GALNT13: variants seen among roughly 807,000 people sequenced by gnomAD.
The protein encoded by GALNT13 is UDP-GalNAc:polypeptide N-acetylgalactosaminyltransferase 13.
GALNT13 carries 28 observed loss-of-function variants against 64.2 expected under a neutral mutation model. That is an observed-to-expected ratio of 0.44 (90% confidence interval 0.32 to 0.60). The LOEUF is 0.60. GALNT13 is among the 20% of genes least tolerant of loss of function. The pLI, the probability that GALNT13 is intolerant of heterozygous loss-of-function variation, is 0.05. For missense variants in GALNT13, 577 were observed against 669.8 expected (o/e 0.86, Z 1.53); for synonymous variants, 214 against 224.6 (o/e 0.95, Z 0.42).
chr2:153,770,464 A>G, the GALNT13 span, among the ~76,000 whole-genome samples: 2 of 152,264 alleles, frequency 1.3e-5, no homozygotes, highest in African/African-American at 2.4e-5. Flanking sequence ...CTGAAGCGAT[A>G]TTGGTATCAG....
At chr2:153,331,024 A>C in the GALNT13 span, among the ~76,000 whole-genome samples, 3,776 of 152,236 alleles carry the variant, frequency 0.025, 79 homozygotes, top group Non-Finnish European at 0.039. Flanking sequence ...TTCCATGTTT[A>C]TGGAGATGAT....
the GALNT13 span, among the ~76,000 whole-genome samples, chr2:153,397,375 G>C: frequency 6.6e-6 from 1 of 152,042 alleles, no homozygotes; most frequent in Admixed American, 6.6e-5. Flanking sequence ...CCTTAATGCA[G>C]ACCATGGGAA....
the GALNT13 span, among the ~76,000 whole-genome samples, chr2:153,754,635 T>C: frequency 6.6e-6 from 1 of 152,118 alleles, no homozygotes; most frequent in African/African-American, 2.4e-5. Context: ...CTGTGAGCTG[T>C]GCAGCCTGGG....
intron 3 of GALNT13, among the ~76,000 whole-genome samples, chr2:154,033,614 T>G (rs1698477733): frequency 6.6e-6 from 1 of 152,144 alleles, no homozygotes; most frequent in South Asian, 2.1e-4. Flanking sequence ...CAAAATGAGA[T>G]ACCACTACAC....
At chr2:153,112,831 A>G in the GALNT13 span, among the ~76,000 whole-genome samples, 1 of 152,070 alleles carries the variant, frequency 6.6e-6, no homozygotes, top group African/African-American at 2.4e-5. Context: ...CTTCTTTGTT[A>G]TATGTTTGTG....
chr2:153,495,643 C>A, the GALNT13 span, among the ~76,000 whole-genome samples: 2 of 152,254 alleles, frequency 1.3e-5, no homozygotes, highest in African/African-American at 2.4e-5. Flanking sequence ...TGAAAAAATT[C>A]ATACAGAAAA....
At chr2:153,848,362 A>C in the GALNT13 span, among the ~76,000 whole-genome samples, 68 of 152,312 alleles carry the variant, frequency 4.5e-4, 1 homozygote, top group South Asian at 0.014. Flanking sequence ...AATTTACACA[A>C]GCCTTCAAAG....
chr2:153,479,326 CAGAA>C, the GALNT13 span, among the ~76,000 whole-genome samples: 4,823 of 150,664 alleles, frequency 0.032, 77 homozygotes, highest in Middle Eastern at 0.058. Context: ...TTTGGAAAGA[CAGAA>C]AGGCATGGAA....
chr2:154,211,553 G>T (rs1358898643), intron 4 of GALNT13, among the ~76,000 whole-genome samples: 1 of 146,550 alleles, frequency 6.8e-6, no homozygotes, highest in African/African-American at 2.5e-5. Flanking sequence ...GATTGAACCC[G>T]GGAGGCAGAT....
chr2:153,535,427 A>C, the GALNT13 span, among the ~76,000 whole-genome samples: 1 of 151,022 alleles, frequency 6.6e-6, no homozygotes, highest in Non-Finnish European at 1.5e-5. Flanking sequence ...TTGGAAAAAC[A>C]GTGTAAACCG....
chr2:154,145,695 G>C (rs562164473), intron 4 of GALNT13, among the ~76,000 whole-genome samples: 9 of 152,080 alleles, frequency 5.9e-5, no homozygotes, highest in African/African-American at 2.2e-4. Flanking sequence ...TACATTATTA[G>C]TGGAAGAGGA....
chr2:154,066,777 A>G (rs1700488090), intron 3 of GALNT13, among the ~76,000 whole-genome samples: 1 of 152,158 alleles, frequency 6.6e-6, no homozygotes, highest in Non-Finnish European at 1.5e-5. Flanking sequence ...TGATCAAGAA[A>G]AAAATCATCT....
intron 4 of GALNT13, among the ~76,000 whole-genome samples, chr2:154,150,387 C>A (rs755539332): frequency 3.9e-5 from 6 of 152,212 alleles, no homozygotes; most frequent in South Asian, 2.1e-4. Context: ...GTCTAAAATT[C>A]TCTTTTTTGG....
At chr2:153,415,865 G>T in the GALNT13 span, among the ~76,000 whole-genome samples, 1 of 152,160 alleles carries the variant, frequency 6.6e-6, no homozygotes, top group Non-Finnish European at 1.5e-5. Context: ...ATGAACAGAA[G>T]TTATTTCTAT....
At chr2:154,398,990 A>G (rs1699178514) in intron 10 of GALNT13, among the ~76,000 whole-genome samples, 1 of 152,222 alleles carries the variant, frequency 6.6e-6, no homozygotes, top group Admixed American at 6.5e-5. Flanking sequence ...TATAGGTCAC[A>G]CAGCTAGTTA....
At chr2:153,208,878 A>G in the GALNT13 span, among the ~76,000 whole-genome samples, 3 of 145,572 alleles carry the variant, frequency 2.1e-5, no homozygotes, top group Admixed American at 2.1e-4. Flanking sequence ...TTGTTGTCTT[A>G]TTTGAGTTTT....
At chr2:154,138,014 G>A (rs1055776459) in intron 3 of GALNT13, among the ~76,000 whole-genome samples, 16 of 151,598 alleles carry the variant, frequency 1.1e-4, no homozygotes, top group Non-Finnish European at 1.8e-4. Context: ...AATTGTTCTC[G>A]TCACCAGAAG....
At chr2:153,378,799 G>A in the GALNT13 span, among the ~76,000 whole-genome samples, 1 of 152,150 alleles carries the variant, frequency 6.6e-6, no homozygotes, top group Admixed American at 6.6e-5. Flanking sequence ...TCTGGTTTGT[G>A]TAATGTGTTA....
the GALNT13 span, among the ~76,000 whole-genome samples, chr2:153,587,656 A>T: frequency 1.8e-4 from 27 of 152,248 alleles, no homozygotes; most frequent in East Asian, 5.2e-3. Context: ...CACCAACAAC[A>T]TGTAGGAATT....
Sources: allele counts gnomAD v4.1 joint callset (sites outside exome capture counted in the v4.1 genomes callset), GRCh38; gene constraint gnomAD v4.1.1; transcripts MANE v1.5; gene names NCBI Gene and HGNC (gene_info 2026-07-23, HGNC 2026-07-21).